RBFOX1: variants seen among roughly 807,000 people sequenced by gnomAD.
The protein encoded by RBFOX1 is RNA binding fox-1 homolog 1, also known as RNA binding protein fox-1 homolog 1.
RBFOX1 carries 8 observed loss-of-function variants against 57.7 expected under a neutral mutation model. The observed-to-expected ratio is 0.14, with a 90% CI of 0.08 to 0.25. RBFOX1 has a LOEUF of 0.25. Among genes scored for constraint, RBFOX1 ranks in the 10% least tolerant of loss-of-function variants. RBFOX1 has a pLI of 1.00. For synonymous variants in RBFOX1, 326 were observed against 222.4 expected, an observed-to-expected ratio of 1.47 and a Z score of -4.15; for missense variants, 611 against 548.5, an observed-to-expected ratio of 1.11 and a Z score of -1.14.
At chr16:5,586,894 T>G (rs779205123) in intron 2 of RBFOX1, among the ~76,000 whole-genome samples, 2 of 152,220 alleles carry the variant, frequency 1.3e-5, no homozygotes, top group Non-Finnish European at 2.9e-5. Context: ...CTGACACTCT[T>G]AGCTGCTCTG....
chr16:7,456,950 G>C (rs1212712319), intron 4 of RBFOX1, among the ~76,000 whole-genome samples: 1 of 151,924 alleles, frequency 6.6e-6, no homozygotes, highest in Non-Finnish European at 1.5e-5. Context: ...GAGTGCAATG[G>C]CGCGATCCCG....
intron 3 of RBFOX1, among the ~76,000 whole-genome samples, chr16:5,814,699 C>G (rs1014235800): frequency 6.6e-6 from 1 of 152,124 alleles, no homozygotes; most frequent in Non-Finnish European, 1.5e-5. Context: ...GAGGCCGAGG[C>G]GGGTGGATCA....
chr16:7,502,654 TTACA>T lies in RBFOX1; in HGVS notation c.28-15489_28-15486del, dbSNP rs367974599. Among the ~76,000 whole-genome samples, 10 of 152,352 alleles carry T rather than the reference TTACA, an allele frequency of 6.6e-5. No homozygotes were observed. The East Asian group carries it at 1.5e-3, about 23-fold the overall frequency. ...TACATGTGCACATTGTGCAGGTTAG[TTACA>T]TACGTATACATGTGGTGAGGCATAA... On this transcript the variant is annotated intron_variant, in intron 4 of 15. Coordinates refer to ENST00000550418, the MANE Select transcript of RBFOX1 (RefSeq NM_018723.4).
intron 4 of RBFOX1, among the ~76,000 whole-genome samples, chr16:7,165,500 G>A (rs1040763644): frequency 2.0e-5 from 3 of 151,478 alleles, no homozygotes; most frequent in African/African-American, 7.3e-5. Flanking sequence ...CATGATCTCG[G>A]CTCACCGCAC....
At chr16:6,192,433 C>T (rs539159994) in intron 1 of RBFOX1, among the ~76,000 whole-genome samples, 1 of 152,116 alleles carries the variant, frequency 6.6e-6, no homozygotes, top group African/African-American at 2.4e-5. Flanking sequence ...ATTTGAGCCC[C>T]TCTACCTCCC....
chr16:6,611,582 G>T (rs527330386), intron 2 of RBFOX1, among the ~76,000 whole-genome samples: 1 of 152,172 alleles, frequency 6.6e-6, no homozygotes, highest in African/African-American at 2.4e-5. Context: ...CAGTGAGCAT[G>T]GTTTTTCCTA....
chr16:6,598,990 G>A (rs763431381), intron 2 of RBFOX1, among the ~76,000 whole-genome samples: 1 of 152,088 alleles, frequency 6.6e-6, no homozygotes, highest in African/African-American at 2.4e-5. Flanking sequence ...TCCCATCCCA[G>A]TGTCAGCACG....
intron 2 of RBFOX1, among the ~76,000 whole-genome samples, chr16:6,552,005 A>T (rs888412942): frequency 3.9e-5 from 6 of 152,180 alleles, no homozygotes; most frequent in African/African-American, 1.4e-4. Flanking sequence ...AATTCAGAAC[A>T]TCTATTAGTT....
At chr16:5,531,580 G>A (rs1329504458) in intron 2 of RBFOX1, among the ~76,000 whole-genome samples, 1 of 152,188 alleles carries the variant, frequency 6.6e-6, no homozygotes, top group African/African-American at 2.4e-5. Context: ...TTGGGAATGT[G>A]TCTTAACATC....
intron 3 of RBFOX1, among the ~76,000 whole-genome samples, chr16:6,809,377 C>T (rs555095630): frequency 6.6e-6 from 1 of 152,158 alleles, no homozygotes; most frequent in South Asian, 2.1e-4. Flanking sequence ...GTGCCAGACA[C>T]TTTCTAAAGG....
chr16:6,766,009 A>T (rs779702009), intron 3 of RBFOX1, among the ~76,000 whole-genome samples: 1 of 152,204 alleles, frequency 6.6e-6, no homozygotes, highest in African/African-American at 2.4e-5. Flanking sequence ...AGGAGCAAAA[A>T]ACTACCTATT....
chr16:6,714,870 A>T (rs1272002235), intron 3 of RBFOX1, among the ~76,000 whole-genome samples: 1 of 149,028 alleles, frequency 6.7e-6, no homozygotes, highest in East Asian at 1.9e-4. Context: ...TGGGAGGCAG[A>T]AAAAAGTCTC....
intron 3 of RBFOX1, among the ~76,000 whole-genome samples, chr16:7,014,061 T>G (rs551932684): frequency 2.6e-5 from 4 of 152,210 alleles, no homozygotes; most frequent in African/African-American, 9.7e-5. Flanking sequence ...ATTCACTCAG[T>G]ATATTAAAAA....
intron 3 of RBFOX1, among the ~76,000 whole-genome samples, chr16:5,741,324 C>T (rs1274621514): frequency 1.3e-5 from 2 of 152,162 alleles, no homozygotes; most frequent in Non-Finnish European, 2.9e-5. Flanking sequence ...AAGGACCATT[C>T]CCAAGGCAAA....
chr16:6,036,990 C>T (rs2095373582), intron 1 of RBFOX1, among the ~76,000 whole-genome samples: 1 of 152,046 alleles, frequency 6.6e-6, no homozygotes, highest in Admixed American at 6.6e-5. Context: ...TCTGGTGGGA[C>T]TGTGTGTGTT....
chr16:5,579,964 T>G (rs2046606962), intron 2 of RBFOX1, among the ~76,000 whole-genome samples: 1 of 151,692 alleles, frequency 6.6e-6, no homozygotes, highest in Non-Finnish European at 1.5e-5. Context: ...AGAGACGGGG[T>G]TTCACCAACA....
At chr16:5,795,345 C>A (rs1001229099) in intron 3 of RBFOX1, among the ~76,000 whole-genome samples, 2 of 151,900 alleles carry the variant, frequency 1.3e-5, no homozygotes, top group African/African-American at 4.8e-5. Flanking sequence ...ACTCTGTTAC[C>A]CTGGCTGGAG....
intron 1 of RBFOX1, among the ~76,000 whole-genome samples, chr16:6,101,959 G>A (rs2096315155): frequency 6.6e-6 from 1 of 152,116 alleles, no homozygotes; most frequent in African/African-American, 2.4e-5. Context: ...CGGAGGCCCA[G>A]GGTGGGAGCT....
intron 3 of RBFOX1, among the ~76,000 whole-genome samples, chr16:6,800,564 T>C (rs550387456): frequency 2.0e-5 from 3 of 152,240 alleles, no homozygotes; most frequent in Admixed American, 2.0e-4. Context: ...AACAAGCTTC[T>C]AGAGGGCCCG....
Sources: gnomAD v4.1 joint callset for allele counts (sites outside exome capture counted in the v4.1 genomes callset) on GRCh38, gnomAD v4.1.1 for gene constraint, MANE v1.5 for transcripts, NCBI Gene and HGNC (gene_info 2026-07-23, HGNC 2026-07-21) for gene names.